The following TENM2 variants were observed in gnomAD, a reference collection of about 807,000 sequenced individuals.
The protein encoded by TENM2 is teneurin transmembrane protein 2.
TENM2 carries 52 observed loss-of-function variants against 245.2 expected under a neutral mutation model. That is an observed-to-expected ratio of 0.21 (90% CI 0.17 to 0.27). TENM2 has a LOEUF of 0.27. Ranked by LOEUF, TENM2 falls within the 10% of genes least tolerant of loss-of-function variation. The pLI is 1.00. For synonymous variants in TENM2, 1,363 were observed against 1,438.9 expected, an observed-to-expected ratio of 0.95 and a Z score of 1.19; for missense variants, 3,046 against 3,666.8, an observed-to-expected ratio of 0.83 and a Z score of 4.37.
chr5:168,020,178 C>T (rs1307752604), intron 5 of TENM2, among the ~76,000 whole-genome samples: 3 of 152,102 alleles, frequency 2.0e-5, no homozygotes, highest in Non-Finnish European at 2.9e-5. Flanking sequence ...AGACCTCCCC[C>T]GACCCAAATA....
the TENM2 span, among the ~76,000 whole-genome samples, chr5:167,254,289 A>G: frequency 6.6e-6 from 1 of 152,158 alleles, no homozygotes; most frequent in African/African-American, 2.4e-5. Context: ...GGGTTGCCTC[A>G]TTCAAAGTCT....
At chr5:167,678,289 A>T (rs1317923498) in intron 2 of TENM2, among the ~76,000 whole-genome samples, 1 of 152,174 alleles carries the variant, frequency 6.6e-6, no homozygotes, top group Non-Finnish European at 1.5e-5. Context: ...TAAATGTCTG[A>T]AAAAGCAAGA....
intron 1 of TENM2, among the ~76,000 whole-genome samples, chr5:167,328,285 C>T (rs542334047): frequency 6.8e-6 from 1 of 146,574 alleles, no homozygotes; most frequent in African/African-American, 2.6e-5. Flanking sequence ...TGGCTCACTG[C>T]AACCTCTGTC....
At chr5:167,159,967 G>A in the TENM2 span, among the ~76,000 whole-genome samples, 2 of 152,178 alleles carry the variant, frequency 1.3e-5, no homozygotes, top group African/African-American at 2.4e-5. Context: ...GGGGTGAAAT[G>A]TACAAGACTC....
the TENM2 span, among the ~76,000 whole-genome samples, chr5:167,125,857 G>T: frequency 2.0e-5 from 3 of 152,038 alleles, no homozygotes; most frequent in Non-Finnish European, 4.4e-5. Flanking sequence ...AACTAAAATG[G>T]CTCAGCAAGA....
chr5:168,228,018 T>C (rs6859235), exon 25 of TENM2: 5 of 1,613,716 alleles, frequency 3.1e-6, no homozygotes, highest in African/African-American at 2.7e-5. Flanking sequence ...ACCCCCACCA[T>C]TGGACGCTGC....
At chr5:167,390,162 T>C (rs1761669497) in intron 2 of TENM2, among the ~76,000 whole-genome samples, 1 of 152,228 alleles carries the variant, frequency 6.6e-6, no homozygotes, top group Non-Finnish European at 1.5e-5. Flanking sequence ...GAACACCAAA[T>C]GTATTTACGG....
At chr5:167,119,758 C>A in the TENM2 span, among the ~76,000 whole-genome samples, 7 of 152,332 alleles carry the variant, frequency 4.6e-5, no homozygotes, top group East Asian at 1.3e-3. Context: ...GAAACCATAG[C>A]AACCTGCTTT....
At chr5:168,023,638 C>T (rs1039623289) in intron 5 of TENM2, among the ~76,000 whole-genome samples, 9 of 152,190 alleles carry the variant, frequency 5.9e-5, no homozygotes, top group South Asian at 2.1e-4. Context: ...AGCAGCTGGA[C>T]GTCCCAAACA....
the TENM2 span, among the ~76,000 whole-genome samples, chr5:167,194,828 A>G: frequency 2.0e-5 from 3 of 152,046 alleles, no homozygotes; most frequent in Non-Finnish European, 4.4e-5. Flanking sequence ...AAACCTCGGA[A>G]GGATGGATGC....
intron 2 of TENM2, among the ~76,000 whole-genome samples, chr5:167,818,824 G>A (rs896471654): frequency 2.0e-5 from 3 of 152,130 alleles, no homozygotes; most frequent in Non-Finnish European, 4.4e-5. Context: ...TTACAACGCG[G>A]GTTGAATTCC....
At chr5:167,960,190 G>T (rs925954256) in intron 4 of TENM2, among the ~76,000 whole-genome samples, 1 of 152,248 alleles carries the variant, frequency 6.6e-6, no homozygotes, top group African/African-American at 2.4e-5. Context: ...TACTTGAGGA[G>T]GCAGTCTTTC....
chr5:168,093,381 T>G (rs1459451055), intron 8 of TENM2, among the ~76,000 whole-genome samples: 1 of 152,212 alleles, frequency 6.6e-6, no homozygotes, highest in East Asian at 1.9e-4. Context: ...GCAGACATCT[T>G]GATGGAGCAA....
the TENM2 span, among the ~76,000 whole-genome samples, chr5:166,999,824 G>GAACAACACCCCAAAAGTGGTGTGT: frequency 6.7e-3 from 1,019 of 152,184 alleles, 8 homozygotes; most frequent in African/African-American, 0.023. Context: ...GAGTGATGTG[G>GAACAACACCCCAAAAGTGGTGTGT]AACAACACCC....
At chr5:167,962,654 T>A (rs1183709734) in intron 4 of TENM2, among the ~76,000 whole-genome samples, 1 of 152,124 alleles carries the variant, frequency 6.6e-6, no homozygotes, top group African/African-American at 2.4e-5. Context: ...TCCAGAAACT[T>A]ATAATCATGG....
intron 2 of TENM2, among the ~76,000 whole-genome samples, chr5:167,512,013 T>C (rs1363061915): frequency 1.3e-5 from 2 of 152,174 alleles, no homozygotes; most frequent in Admixed American, 6.5e-5. Context: ...ATACTGAGCA[T>C]GTGAGTTGTG....
At chr5:167,619,625 A>C (rs1222379564) in intron 2 of TENM2, among the ~76,000 whole-genome samples, 2 of 152,154 alleles carry the variant, frequency 1.3e-5, no homozygotes, top group Non-Finnish European at 2.9e-5. Flanking sequence ...AGTTGTCTTG[A>C]GGATTAAAAT....
intron 15 of TENM2, among the ~76,000 whole-genome samples, chr5:168,198,283 C>T (rs774010044): frequency 3.0e-4 from 45 of 150,546 alleles, no homozygotes; most frequent in African/African-American, 9.3e-4. Flanking sequence ...GCAACCTCCA[C>T]CTCCCAGGTT....
intron 2 of TENM2, among the ~76,000 whole-genome samples, chr5:167,528,185 G>A (rs1771248109): frequency 6.6e-6 from 1 of 152,164 alleles, no homozygotes; most frequent in South Asian, 2.1e-4. Context: ...ATGATGCAGT[G>A]TGACAGTCGT....
Sources: gnomAD v4.1 joint callset for allele counts (sites outside exome capture counted in the v4.1 genomes callset) on GRCh38, gnomAD v4.1.1 for gene constraint, MANE v1.5 for transcripts, NCBI Gene and HGNC (gene_info 2026-07-23, HGNC 2026-07-21) for gene names.